AQR: variants seen among roughly 807,000 people sequenced by gnomAD.
AQR encodes the protein RNA helicase aquarius.
Under a neutral mutation model 180.5 loss-of-function variants are expected in AQR, and 61 were observed. That is an observed-to-expected ratio of 0.34 (90% CI 0.28 to 0.42). The LOEUF is 0.42. AQR is among the 10% of genes least tolerant of loss of function. AQR has a pLI of 1.00. For missense variants in AQR, 1,281 were observed against 1,798.3 expected, an observed-to-expected ratio of 0.71 and a Z score of 5.20; for synonymous variants, 551 against 588.8, an observed-to-expected ratio of 0.94 and a Z score of 0.93.
intron 9 of AQR, among the ~76,000 whole-genome samples, chr15:34,935,201 A>T (rs898088017): frequency 6.6e-6 from 1 of 152,192 alleles, no homozygotes; most frequent in African/African-American, 2.4e-5. Context: ...ATACCTTTTA[A>T]ATCACTAGCT....
chr15:34,860,142 G>T lies in AQR; in HGVS notation c.4043C>A (p.Pro1348Gln). 3 of 1,504,484 alleles carry T rather than the reference G, an allele frequency of 2.0e-6. No homozygotes were observed. Among genetic ancestry groups the T allele is most frequent in the Non-Finnish European group, 2.7e-6 (3 of 1,114,178 alleles). 93.2% of individuals were successfully genotyped at this position (1,504,484 alleles called of 1,614,324 possible). A position where few individuals can be genotyped will look rare whatever the true frequency, so the allele number is the denominator to read the frequency against. Reference sequence around the variant, plus strand: ...TTTTATTATTTGTACTTCATGAGATGGTCTCTCTCCATTCTAGAAGAAGGA... The same window carrying T: ...TTTTATTATTTGTACTTCATGAGATTGTCTCTCTCCATTCTAGAAGAAGGA... Reference protein sequence around the residue: ...FPTTRKNGERPSHEVQIIKNM... With the variant: ...FPTTRKNGERQSHEVQIIKNM... Residue 1348 changes from proline (P) to glutamine (Q), a missense_variant, in exon 34 of 35, where the codon CCA (proline) becomes CAA (glutamine). By Grantham distance (76) the Pro-to-Gln change is moderately conservative (BLOSUM62 -1). Coordinates refer to ENST00000156471, the MANE Select transcript of AQR (RefSeq NM_014691.3).
chr15:34,861,826 T>C (rs1892674790), intron 33 of AQR, among the ~76,000 whole-genome samples: 2 of 152,188 alleles, frequency 1.3e-5, no homozygotes, highest in African/African-American at 4.8e-5. Flanking sequence ...GCACTTTTTA[T>C]AAAGTACTTA....
intron 25 of AQR, among the ~76,000 whole-genome samples, chr15:34,885,758 C>T (rs1434239490): frequency 6.6e-6 from 1 of 152,074 alleles, no homozygotes; most frequent in African/African-American, 2.4e-5. Flanking sequence ...CCCTGCTTCA[C>T]AAGAAACCAT....
chr15:34,926,735 G>T (rs1349758134), intron 13 of AQR, among the ~76,000 whole-genome samples: 3 of 151,998 alleles, frequency 2.0e-5, no homozygotes, highest in Non-Finnish European at 2.9e-5. Context: ...ATCTTTATTG[G>T]TTTTTGTCAT....
In AQR at chr15:34,908,711, C is replaced by CAGT. The variant is rs1468763613; in HGVS notation, c.1663+1421_1663+1423dup. 4.6e-5 allele frequency among the ~76,000 whole-genome samples: 7 copies of CAGT among 152,294 alleles called. No homozygotes were observed. The East Asian group carries it at 1.4e-3, about 29-fold the overall frequency. On this transcript the variant is annotated intron_variant, in intron 17 of 34. Transcript: ENST00000156471. Reference sequence around the variant, plus strand: ...TGTCTCATGTCCTTCTGAAAGCAGTCAGTAATGGGGGAAGTGGCCTGTTTT... The same window carrying CAGT: ...TGTCTCATGTCCTTCTGAAAGCAGTCAGTAGTAATGGGGGAAGTGGCCTGTTTT...
intron 33 of AQR, among the ~76,000 whole-genome samples, chr15:34,861,682 G>A (rs753180276): frequency 6.6e-5 from 10 of 152,072 alleles, no homozygotes; most frequent in East Asian, 1.9e-4. Context: ...CAAGAAACTC[G>A]GATATAATAG....
At chr15:34,913,243 T>C (rs1893526562) in intron 16 of AQR, among the ~76,000 whole-genome samples, 1 of 152,174 alleles carries the variant, frequency 6.6e-6, no homozygotes, top group African/African-American at 2.4e-5. Context: ...CTCTTACCCC[T>C]TTCTCTTCTT....
At chr15:34,934,484 A>G in intron 10 of AQR, 87 bp downstream of exon 10, 1 of 806,548 alleles carries the variant, frequency 1.2e-6, no homozygotes, top group Non-Finnish European at 1.8e-6. Context: ...AGAAAAGGAA[A>G]GAAAAAAATA....
rs143397510 is a variant in AQR, at chr15:34,938,854, T to C, written c.642-41A>G. On this transcript the variant is annotated intron_variant, in intron 8 of 34. Coordinates refer to ENST00000156471, the MANE Select transcript of AQR (RefSeq NM_014691.3). ...ACATTGACCAATTATTTTTGAAGAA[T>C]AGTCATTTCAAAAGTAAACTTTAAA... The C allele has an allele frequency of 2.6e-4, 368 of 1,397,958 alleles. 3 individuals are homozygous for C. In the African/African-American group the frequency reaches 4.3e-3, roughly 16 times the overall value. 86.6% of individuals were successfully genotyped at this position (1,397,958 alleles called of 1,614,324 possible). A position where few individuals can be genotyped will look rare whatever the true frequency, so the allele number is the denominator to read the frequency against.
intron 33 of AQR, among the ~76,000 whole-genome samples, chr15:34,862,011 T>C (rs1566977933): frequency 6.6e-6 from 1 of 151,954 alleles, no homozygotes; most frequent in African/African-American, 2.4e-5. Flanking sequence ...AGGAAAATAA[T>C]ATAAAAGTAA....
chr15:34,861,415 A>C (rs1892670147), intron 33 of AQR, among the ~76,000 whole-genome samples: 1 of 152,104 alleles, frequency 6.6e-6, no homozygotes, highest in Non-Finnish European at 1.5e-5. Context: ...GCCCCTCACT[A>C]TCTCTTGAGG....
Position 34,870,901 on chromosome 15 carries a change from C to T in AQR, c.3619G>A (p.Val1207Ile). Residue 1207 changes from valine (V) to isoleucine (I), a missense_variant, in exon 31 of 35, where the codon GTA becomes ATA. By Grantham distance (29) the Val-to-Ile change is conservative. Around this residue, in one of 9 missense-constraint regions of AQR, gnomAD observed 197 missense variants for 320.7 expected, o/e 0.61. Transcript: ENST00000156471. ...CACATGTACATAAAAAGTGCTACTACATATTCTGCCTCTCCAAGATTCTGT... is the reference window on the plus strand; with the variant it reads ...CACATGTACATAAAAAGTGCTACTATATATTCTGCCTCTCCAAGATTCTGT... ...FYQNLGEAEYVVALFMYMCLL... is the reference protein window; with the variant it reads ...FYQNLGEAEYIVALFMYMCLL... 1 of 1,612,594 alleles carries T rather than the reference C, an allele frequency of 6.2e-7. No individual in the cohort carries two copies.
chr15:34,961,176 C>T (rs1016898249), intron 2 of AQR, among the ~76,000 whole-genome samples: 18 of 152,030 alleles, frequency 1.2e-4, no homozygotes, highest in African/African-American at 4.3e-4. Context: ...CTGCAAAACC[C>T]AGAGAGAAAA....
chr15:34,888,629 G>A (rs907331097), intron 24 of AQR, among the ~76,000 whole-genome samples: 5 of 151,470 alleles, frequency 3.3e-5, no homozygotes, highest in Admixed American at 1.3e-4. Context: ...CCCAGGAAGC[G>A]GAGGTTGCAG....
At chr15:34,964,179 C>G in intron 2 of AQR, 55 bp downstream of exon 2, 2 of 1,184,654 alleles carry the variant, frequency 1.7e-6, no homozygotes, top group Admixed American at 2.0e-5. Flanking sequence ...GTTGAAATAA[C>G]CCTTTAAAAG....
intron 7 of AQR, 39 bp downstream of exon 7, chr15:34,941,973 A>C (rs1414338599): frequency 6.6e-7 from 1 of 1,513,556 alleles, no homozygotes; most frequent in South Asian, 1.2e-5. Context: ...TTCTACTTAT[A>C]ACACATACAT....
rs1229923092 is a variant in AQR, at chr15:34,913,435, C to G, written c.1484+1603G>C. Among the ~76,000 whole-genome samples, 3 of 152,068 alleles carry G rather than the reference C, an allele frequency of 2.0e-5. No individual in the cohort carries two copies. In the East Asian group the frequency reaches 5.8e-4, roughly 29 times the overall value. On this transcript the variant is annotated intron_variant, in intron 16 of 34. Transcript: ENST00000156471. ...ATGAAACAGAAAGAAGCCTGGCCCCCTTTTAGGTTTCGACATTTTTAATAA... is the reference window on the plus strand; with the variant it reads ...ATGAAACAGAAAGAAGCCTGGCCCCGTTTTAGGTTTCGACATTTTTAATAA...
rs1480273791 is a variant in AQR, at chr15:34,951,438, C to A, written c.209+1447G>T. On this transcript the variant is annotated intron_variant, in intron 4 of 34. Transcript: ENST00000156471. ...CCTGTAATCCCAGCACTTTAGGAAG[C>A]CGAGGCAGGCAATCACAAGTTCAAG... Among the ~76,000 whole-genome samples the A allele has an allele frequency of 2.0e-5, 3 of 152,144 alleles. No homozygotes were observed. In the East Asian group the frequency reaches 5.8e-4, roughly 29 times the overall value.
At chr15:34,892,403 A>C (rs143217363) in intron 23 of AQR, among the ~76,000 whole-genome samples, 149 of 152,300 alleles carry the variant, frequency 9.8e-4, no homozygotes, top group African/African-American at 3.0e-3. Context: ...AATGCTTATA[A>C]TCTCCAAGTA....
Sources: gnomAD v4.1 joint callset for allele counts (sites outside exome capture counted in the v4.1 genomes callset) on GRCh38, gnomAD v4.1.1 for gene constraint, gnomAD v4.1.1 regional missense constraint, MANE v1.5 for transcripts, NCBI Gene and HGNC (gene_info 2026-07-23, HGNC 2026-07-21) for gene names.